The following PKD1 variants were observed in gnomAD, a reference collection of about 807,000 sequenced individuals.
PKD1 encodes the protein polycystin-1.
In PKD1, 81 loss-of-function variants were observed where a neutral mutation model predicts 361.7. The ratio of observed to expected loss-of-function variants is 0.22; its 90% CI spans 0.19 to 0.27. The LOEUF (loss-of-function observed/expected upper bound fraction) is 0.27. Among genes scored for constraint, PKD1 ranks in the 10% least tolerant of loss-of-function variants. PKD1 has a pLI of 1.00. For missense variants in PKD1, 6,399 were observed against 6,118.3 expected (o/e 1.05, Z -1.53); for synonymous variants, 3,615 against 2,818.3 (o/e 1.28, Z -8.95).
At position 2,089,634 on chromosome 16, in the gene PKD1, A is replaced by G. The variant is rs2091363517; in HGVS notation, c.*93T>C. 1.4e-6 allele frequency: 2 copies of G among 1,463,490 alleles called. No homozygotes were observed. Among genetic ancestry groups the G allele is most frequent in the Admixed American group, 2.0e-5 (1 of 50,548 alleles). The allele number at this position is 1,463,490 out of a possible 1,614,324, so 90.7% of individuals were successfully genotyped here. A position where few individuals can be genotyped will look rare whatever the true frequency, so the allele number is the denominator to read the frequency against. On this transcript the variant is annotated 3_prime_UTR_variant, in exon 46 of 46. Coordinates refer to ENST00000262304, the MANE Select transcript of PKD1 (RefSeq NM_001009944.3). ...CTCTCTGGGGAACCTACGTGCAGCC[A>G]TTCTGCCTGGCCCTCGGCCTTGACA...
rs190702507 is a variant in PKD1, at chr16:2,115,090, C to T, written c.2098-165G>A. 48 of 984,934 alleles carry T rather than the reference C, an allele frequency of 4.9e-5. No individual in the cohort carries two copies. In the African/African-American group the frequency reaches 7.8e-4, roughly 16 times the overall value. The allele number at this position is 984,934 out of a possible 1,614,324, so 61.0% of individuals were successfully genotyped here. ...AAGGACAGGCAGGACAGTTGCAGAC[C>T]GGGGGACACACGGGGAGAGGACACA... On this transcript the variant is annotated intron_variant, in intron 10 of 45. Transcript: ENST00000262304.
At position 2,092,426 on chromosome 16, in the gene PKD1, GCT is replaced by G. The variant is rs1334975177; in HGVS notation, c.11269+52_11269+53del. 3.9e-6 allele frequency: 5 copies of G among 1,266,776 alleles called. No individual in the cohort carries two copies. In the African/African-American group the frequency reaches 7.3e-5, roughly 18 times the overall value. 78.5% of individuals were successfully genotyped at this position (1,266,776 alleles called of 1,614,324 possible). ...TGATGCCAGAGCTCCGCTAAAGGCTGCTCTCTCAACAAGAGGAACGATTTAAG... is the reference window on the plus strand; with the variant it reads ...TGATGCCAGAGCTCCGCTAAAGGCTGCTCTCAACAAGAGGAACGATTTAAG... On this transcript the variant is annotated intron_variant, in intron 39 of 45. Coordinates refer to ENST00000262304, the MANE Select transcript of PKD1 (RefSeq NM_001009944.3).
At chr16:2,113,706 T>C (rs963537891) in intron 11 of PKD1, 2 of 356,850 alleles carry the variant, frequency 5.6e-6, no homozygotes, top group Non-Finnish European at 1.1e-5. Context: ...CCATTTCTGA[T>C]GGCCCCTCCC....
chr16:2,090,081 G>C lies in PKD1; in HGVS notation c.12558C>G (p.His4186Gln), dbSNP rs1198928611. Reference sequence around the variant, plus strand: ...CCAGCTGGCTGGAGGAGGTGGAGGGGTGCGAGGCATCGGAGCCAGCGCTGG... The same window carrying C: ...CCAGCTGGCTGGAGGAGGTGGAGGGCTGCGAGGCATCGGAGCCAGCGCTGG... The part of the protein sequence containing the change: ...PPPSAGSDAS[H>Q]PSTSSSQLDG... Residue 4186 changes from histidine (H) to glutamine (Q), a missense_variant, in exon 46 of 46, where the codon CAC becomes CAG. By Grantham distance (24) the His-to-Gln change is conservative. Coordinates refer to ENST00000262304, the MANE Select transcript of PKD1 (RefSeq NM_001009944.3). 1.2e-6 allele frequency: 2 copies of C among 1,609,432 alleles called. No homozygotes were observed. The highest frequency in any genetic ancestry group is 2.7e-5 in the African/African-American group (2 of 74,888).
intron 20 of PKD1, 48 bp from the exon 21 acceptor site, chr16:2,105,522 G>A (rs761100504): frequency 4.0e-5 from 63 of 1,594,832 alleles, no homozygotes; most frequent in African/African-American, 5.3e-5. Context: ...GCAGGAGGCC[G>A]GCAGGAGGCC....
chr16:2,097,360 AG>A lies in PKD1; in HGVS notation c.10363del (p.Leu3455TrpfsTer18). 1 of 1,612,234 alleles carries A rather than the reference AG, an allele frequency of 6.2e-7. No individual in the cohort carries two copies. ...GLGPEEDGFSLASPYSPAKSF... is the reference protein window; with the variant it reads ...GLGPEEDGFSXASPYSPAKSF... ...TTTGGCAGGCGAGTAGGGGCTGGCC[AG>A]GGAGAAGCCGTCCTCCTCTGGGCCC... On this transcript the variant is annotated frameshift_variant, in exon 33 of 46. Coordinates refer to ENST00000262304, the MANE Select transcript of PKD1 (RefSeq NM_001009944.3). LOFTEE classifies it high-confidence loss of function.
At chr16:2,097,592 T>C in intron 32 of PKD1, 89 bp from the exon 33 acceptor site, 1 of 1,609,038 alleles carries the variant, frequency 6.2e-7, no homozygotes, top group Non-Finnish European at 8.5e-7. Context: ...ACCCTGGGCT[T>C]CCGAGCAAAC....
rs56279647 is a variant in PKD1 at position 2,088,881 on chromosome 16, G to GCACACACA, written c.*838_*845dup. The GCACACACA allele has an allele frequency of 2.2e-4, 94 of 421,462 alleles. No individual in the cohort carries two copies. The East Asian group carries it at 2.8e-3, about 13-fold the overall frequency. The allele number at this position is 421,462 out of a possible 1,614,324, so 26.1% of individuals were successfully genotyped here. ...ACAGCACACTCGCGCGTGCGCGCGCGCACACACACACACACACAGTCACCT... is the reference window on the plus strand; with the variant it reads ...ACAGCACACTCGCGCGTGCGCGCGCGCACACACACACACACACACACACACAGTCACCT... On this transcript the variant is annotated 3_prime_UTR_variant, in exon 46 of 46. Coordinates refer to ENST00000262304, the MANE Select transcript of PKD1 (RefSeq NM_001009944.3).
At position 2,102,549 on chromosome 16, in the gene PKD1, G is replaced by A. The variant is rs1408935894; in HGVS notation, c.9033C>T (p.Tyr3011=). 1.2e-6 allele frequency: 2 copies of A among 1,610,610 alleles called. No individual in the cohort carries two copies. The highest frequency in any genetic ancestry group is 3.3e-5 in the Admixed American group (2 of 59,950). ...CGCTGAAGTACTGGCACAGGGACGT[G>A]TACAGGCCCACGGACACCTGCAGCG... ...WSALQVSVGL[Y]TSLCQYFSEE... is the part of the protein sequence containing the mutation. Residue 3011 remains tyrosine (Y), a synonymous_variant, in exon 25 of 46, where the codon TAC becomes TAT. Transcript: ENST00000262304.
intron 16 of PKD1, 26 bp downstream of exon 16, chr16:2,107,857 G>A (rs1395350606): frequency 6.5e-7 from 1 of 1,540,722 alleles, no homozygotes; most frequent in Non-Finnish European, 8.7e-7. Flanking sequence ...TCCAAGGCAA[G>A]TGGCCGAGGG....
chr16:2,126,501 A>G (rs1032377623), intron 1 of PKD1, among the ~76,000 whole-genome samples: 7 of 152,272 alleles, frequency 4.6e-5, no homozygotes, highest in African/African-American at 1.7e-4. Context: ...GCCCCTAGGC[A>G]AGGACAGCTG....
intron 23 of PKD1, 142 bp downstream of exon 23, chr16:2,103,124 A>C: frequency 7.7e-7 from 1 of 1,292,748 alleles, no homozygotes; most frequent in Non-Finnish European, 1.1e-6. Flanking sequence ...CGTGGCCCCC[A>C]GCTCCTCTCT....
At chr16:2,101,847 C>T (rs1252765375) in intron 26 of PKD1, 7 of 616,912 alleles carry the variant, frequency 1.1e-5, no homozygotes, top group Non-Finnish European at 1.5e-5. Flanking sequence ...CCCACCCTGA[C>T]TGACTGGCAC....
chr16:2,118,420 G>C lies in PKD1; in HGVS notation c.572C>G (p.Thr191Ser). Residue 191 changes from threonine to serine, a missense_variant, in exon 5 of 46, where the codon ACC becomes AGC. Transcript: ENST00000262304. The surrounding 1 kb of genome is among the most constrained non-coding windows in gnomAD (Gnocchi z 6.0). ...VACLPDNSSGTVAAVSFSAAH... is the reference protein window; with the variant it reads ...VACLPDNSSGSVAAVSFSAAH... ...AGCTGAAAAGGACACTGCTGCCACG[G>C]TGCCTGAGCTGTTGTCAGGGAGGCA... 1 of 1,233,974 alleles carries C rather than the reference G, an allele frequency of 8.1e-7. No individual in the cohort carries two copies. The highest frequency in any genetic ancestry group is 1.1e-6 in the Non-Finnish European group (1 of 871,702). 76.4% of individuals were successfully genotyped at this position (1,233,974 alleles called of 1,614,324 possible). A position where few individuals can be genotyped will look rare whatever the true frequency, so the allele number is the denominator to read the frequency against.
chr16:2,122,787 C>T (rs1239686337), intron 1 of PKD1, among the ~76,000 whole-genome samples: 2 of 152,150 alleles, frequency 1.3e-5, no homozygotes, highest in Non-Finnish European at 2.9e-5. Context: ...CCCTAAGGGG[C>T]GAGAGGTGCT....
In PKD1 at chr16:2,088,899, A is replaced by ACAGT; in HGVS notation, c.*827_*828insACTG. On this transcript the variant is annotated 3_prime_UTR_variant, in exon 46 of 46. Coordinates refer to ENST00000262304, the MANE Select transcript of PKD1 (RefSeq NM_001009944.3). ...CGCGCGCGCACACACACACACACAC[A>ACAGT]GTCACCTTCCTCCACCCTGGGAGCC... 1 of 420,762 alleles carries ACAGT rather than the reference A, an allele frequency of 2.4e-6. No individual in the cohort carries two copies. Among genetic ancestry groups the ACAGT allele is most frequent in the Non-Finnish European group, 4.4e-6 (1 of 227,980 alleles). The allele number at this position is 420,762 out of a possible 1,614,324, so 26.1% of individuals were successfully genotyped here. A position where few individuals can be genotyped will look rare whatever the true frequency, so the allele number is the denominator to read the frequency against.
Position 2,115,405 on chromosome 16 carries a change from A to C in PKD1, c.2070T>G (p.Val690=). The C allele has an allele frequency of 6.4e-7, 1 of 1,568,634 alleles. No homozygotes were observed. Among genetic ancestry groups the C allele is most frequent in the Admixed American group, 1.8e-5 (1 of 54,750 alleles). Residue 690 remains valine (V), a synonymous_variant, in exon 10 of 46, where the codon GTT becomes GTG. Coordinates refer to ENST00000262304, the MANE Select transcript of PKD1 (RefSeq NM_001009944.3). ...YALWREFLFS[V]PAGPPAQYSV... ...AGTACTGCGCGGGGGGCCCCGCGGG[A>C]ACGGAGAAGAGGAACTCTCTCCATA... is the stretch of plus-strand genomic sequence containing the variant.
At position 2,105,696 on chromosome 16, in the gene PKD1, C is replaced by T. The variant is rs1249674141; in HGVS notation, c.7863+169G>A. The T allele has an allele frequency of 2.7e-5, 35 of 1,307,318 alleles. 2 individuals are homozygous for T. The highest frequency in any genetic ancestry group is 2.2e-4 in the Admixed American group (11 of 50,362). 81.0% of individuals were successfully genotyped at this position (1,307,318 alleles called of 1,614,324 possible). ...TGGAAAGCAGACGCCGGAGAGGGCC[C>T]GGTGGGTGTGGCTGCTGGGAGCGGA... is the stretch of plus-strand genomic sequence containing the variant. On this transcript the variant is annotated intron_variant, in intron 20 of 45. Transcript: ENST00000262304.
chr16:2,093,163 C>G lies in PKD1; in HGVS notation c.11017-70G>C, dbSNP rs1327995436. 1.9e-6 allele frequency: 3 copies of G among 1,577,666 alleles called. No individual in the cohort carries two copies. In the African/African-American group the frequency reaches 4.0e-5, roughly 21 times the overall value. On this transcript the variant is annotated intron_variant, in intron 37 of 45. Transcript: ENST00000262304. ...AGTGACAGCAGGGCTTTGGCAACGG[C>G]TGGAGCCATGGCTGCGGCAGGTGTG... is the stretch of plus-strand genomic sequence containing the variant.
Sources: gnomAD v4.1 joint callset for allele counts (sites outside exome capture counted in the v4.1 genomes callset) on GRCh38, gnomAD v4.1.1 for gene constraint, Gnocchi (gnomAD v3.1) non-coding constraint, MANE v1.5 for transcripts, NCBI Gene and HGNC (gene_info 2026-07-23, HGNC 2026-07-21) for gene names.